The following STRN3 variants were observed in gnomAD, a reference collection of about 807,000 sequenced individuals.
STRN3 encodes striatin 3.
A neutral mutation model predicts 95.6 loss-of-function variants in STRN3; 29 were observed. That is an observed-to-expected ratio of 0.30 (90% CI 0.23 to 0.41). The LOEUF is 0.41. Among genes scored for constraint, STRN3 ranks in the 10% least tolerant of loss-of-function variants. The pLI, the probability that STRN3 is intolerant of heterozygous loss-of-function variation, is 1.00. For synonymous variants in STRN3, 331 were observed against 357.6 expected (o/e 0.93, Z 0.84); for missense variants, 890 against 972.1 (o/e 0.92, Z 1.12).
At chr14:31,002,983 G>C (rs982174728) in intron 1 of STRN3, among the ~76,000 whole-genome samples, 1 of 152,114 alleles carries the variant, frequency 6.6e-6, no homozygotes, top group African/African-American at 2.4e-5. Context: ...TTAAGATGAG[G>C]CCGGGCACGG....
At position 30,906,765 on chromosome 14, in the gene STRN3, C is replaced by T. The variant is rs1594417084; in HGVS notation, c.1888+112G>A. 1.0e-5 allele frequency: 12 copies of T among 1,152,738 alleles called. No individual in the cohort carries two copies. The South Asian group carries it at 2.5e-4, about 24-fold the overall frequency. 71.4% of individuals were successfully genotyped at this position (1,152,738 alleles called of 1,614,324 possible). A position where few individuals can be genotyped will look rare whatever the true frequency, so the allele number is the denominator to read the frequency against. On this transcript the variant is annotated intron_variant, in intron 14 of 17. Transcript: ENST00000357479. Reference sequence around the variant, plus strand: ...AGTTTATCCTAACTTTTACAAAATTCATTCAATATATCTCTTTGGAACAGT... The same window carrying T: ...AGTTTATCCTAACTTTTACAAAATTTATTCAATATATCTCTTTGGAACAGT...
At chr14:30,938,366 A>C (rs567984102) in intron 5 of STRN3, among the ~76,000 whole-genome samples, 1 of 152,308 alleles carries the variant, frequency 6.6e-6, no homozygotes, top group East Asian at 1.9e-4. Context: ...TAATATTTGG[A>C]GAGTAAGTGA....
chr14:31,017,006 TTAG>T (rs1883267552), intron 1 of STRN3, among the ~76,000 whole-genome samples: 1 of 151,970 alleles, frequency 6.6e-6, no homozygotes. Context: ...AATACAAAAA[TTAG>T]CCAGGTGTGG....
intron 1 of STRN3, among the ~76,000 whole-genome samples, chr14:31,020,673 A>G (rs545700023): frequency 6.6e-6 from 1 of 152,032 alleles, no homozygotes; most frequent in East Asian, 2.0e-4. Context: ...CTTTGGGAGG[A>G]TGAGGTGGGA....
chr14:30,962,186 A>G (rs1177191420), intron 1 of STRN3, among the ~76,000 whole-genome samples: 1 of 152,222 alleles, frequency 6.6e-6, no homozygotes, highest in Non-Finnish European at 1.5e-5. Context: ...AAAAGTAAAA[A>G]TAAATCAAAA....
intron 8 of STRN3, among the ~76,000 whole-genome samples, chr14:30,926,538 TTACTTCTTATAA>T (rs1402561813): frequency 6.6e-5 from 10 of 151,986 alleles, no homozygotes; most frequent in African/African-American, 2.2e-4. Context: ...ACTTCTTATA[TTACTTCTTATAA>T]TACTTCTTAT....
chr14:30,992,997 T>A (rs1227301533), intron 1 of STRN3, among the ~76,000 whole-genome samples: 1 of 152,146 alleles, frequency 6.6e-6, no homozygotes, highest in African/African-American at 2.4e-5. Context: ...CAGCTAGATA[T>A]TTCACTAATC....
At chr14:31,015,695 G>A (rs1883206487) in intron 1 of STRN3, among the ~76,000 whole-genome samples, 1 of 152,126 alleles carries the variant, frequency 6.6e-6, no homozygotes, top group Non-Finnish European at 1.5e-5. Flanking sequence ...ATTTTAAGAA[G>A]AGCTGTATGC....
At chr14:30,969,770 A>C (rs1594516350) in intron 1 of STRN3, among the ~76,000 whole-genome samples, 2 of 152,106 alleles carry the variant, frequency 1.3e-5, no homozygotes, top group African/African-American at 4.8e-5. Context: ...TTTATCTTCC[A>C]CTTTCCTTTC....
At chr14:30,983,992 G>A (rs993308988) in intron 1 of STRN3, among the ~76,000 whole-genome samples, 6 of 151,832 alleles carry the variant, frequency 4.0e-5, no homozygotes, top group Non-Finnish European at 8.8e-5. Context: ...GCAGGTACTA[G>A]GTTGCGTCTA....
At chr14:30,918,712 G>C (rs939408852) in intron 9 of STRN3, among the ~76,000 whole-genome samples, 1 of 151,896 alleles carries the variant, frequency 6.6e-6, no homozygotes, top group African/African-American at 2.4e-5. Flanking sequence ...TTAGATTTAA[G>C]AAAAGACTCT....
chr14:31,001,408 C>T (rs1396955351), intron 1 of STRN3, among the ~76,000 whole-genome samples: 1 of 151,796 alleles, frequency 6.6e-6, no homozygotes, highest in Non-Finnish European at 1.5e-5. Context: ...TGGTGATGTG[C>T]GCCTGCAGTT....
chr14:30,932,867 T>C (rs1318492435), intron 7 of STRN3, among the ~76,000 whole-genome samples: 2 of 152,198 alleles, frequency 1.3e-5, no homozygotes, highest in Non-Finnish European at 1.5e-5. Flanking sequence ...AAAAAGATAT[T>C]TGATAAGTTA....
intron 1 of STRN3, among the ~76,000 whole-genome samples, chr14:30,960,066 T>C (rs1215868716): frequency 2.0e-5 from 3 of 151,994 alleles, no homozygotes; most frequent in East Asian, 3.9e-4. Flanking sequence ...TTATAAAGAA[T>C]GAGATGGGCC....
intron 1 of STRN3, among the ~76,000 whole-genome samples, chr14:30,957,176 C>T (rs1326074402): frequency 1.3e-5 from 2 of 150,300 alleles, no homozygotes; most frequent in East Asian, 2.0e-4. Context: ...AAAGAGGGGC[C>T]GAGCGCGGCG....
intron 1 of STRN3, among the ~76,000 whole-genome samples, chr14:30,960,105 T>C (rs1880115531): frequency 6.6e-6 from 1 of 152,082 alleles, no homozygotes; most frequent in East Asian, 1.9e-4. Context: ...CCTATAATCC[T>C]AGCACTCTGG....
chr14:30,925,718 A>C (rs189283393), intron 8 of STRN3, among the ~76,000 whole-genome samples: 11 of 152,324 alleles, frequency 7.2e-5, no homozygotes, highest in Admixed American at 4.6e-4. Flanking sequence ...GAAATGATGA[A>C]TATGCTAACT....
chr14:30,985,784 T>TA (rs1303139458), intron 1 of STRN3, among the ~76,000 whole-genome samples: 63 of 152,240 alleles, frequency 4.1e-4, no homozygotes, highest in Admixed American at 2.6e-3. Context: ...CGTTTACACT[T>TA]ACATCTTTTG....
At chr14:30,944,189 A>T (rs1473548427) in intron 5 of STRN3, among the ~76,000 whole-genome samples, 1 of 152,160 alleles carries the variant, frequency 6.6e-6, no homozygotes. Context: ...ATTCAGAGTC[A>T]GACGTGGTAT....
Sources: gnomAD v4.1 joint callset for allele counts (sites outside exome capture counted in the v4.1 genomes callset) on GRCh38, gnomAD v4.1.1 for gene constraint, MANE v1.5 for transcripts, NCBI Gene and HGNC (gene_info 2026-07-23, HGNC 2026-07-21) for gene names.